NNT: variants seen among roughly 807,000 people sequenced by gnomAD.
NNT encodes nicotinamide nucleotide transhydrogenase, also known as NAD(P) transhydrogenase, mitochondrial.
Under a neutral mutation model 104.8 loss-of-function variants are expected in NNT, and 50 were observed. The ratio of observed to expected loss-of-function variants is 0.48; its 90% CI spans 0.38 to 0.60. The LOEUF is 0.60. Among genes scored for constraint, NNT ranks in the 20% least tolerant of loss-of-function variants. The probability of loss-of-function intolerance (pLI) is 0.00; values close to 1 mark genes in which losing one functional copy is unlikely to be tolerated. For missense variants in NNT, 1,131 were observed against 1,330.7 expected, an observed-to-expected ratio of 0.85 and a Z score of 2.33; for synonymous variants, 461 against 490.4, an observed-to-expected ratio of 0.94 and a Z score of 0.79.
Position 43,650,582 on chromosome 5 carries a change from T to C in NNT, c.1712T>C (p.Ile571Thr), listed in dbSNP as rs781265260. ...ALAAFISSVNIAGGFLVTQRM... is the reference protein window; with the variant it reads ...ALAAFISSVNTAGGFLVTQRM... ...GCTGCATTCATATCCTCTGTCAACA[T>C]TGCAGGTATGATGTCAGTGAAAGGT... Residue 571 changes from isoleucine to threonine, a missense_variant, in exon 12 of 22, where the codon ATT (isoleucine) becomes ACT (threonine). Physicochemically the swap from Ile to Thr is moderately conservative, Grantham distance 89 (BLOSUM62 -1). Coordinates refer to ENST00000344920, the MANE Select transcript of NNT (RefSeq NM_182977.3). The C allele has an allele frequency of 6.8e-6, 11 of 1,611,094 alleles. No individual in the cohort carries two copies. The highest frequency in any genetic ancestry group is 1.7e-5 in the Admixed American group (1 of 60,006).
chr5:43,604,501 C>G (rs1417537705), intron 1 of NNT, among the ~76,000 whole-genome samples: 3 of 152,132 alleles, frequency 2.0e-5, no homozygotes, highest in Non-Finnish European at 2.9e-5. Context: ...TTCCGAAAAT[C>G]CTTGGAAAAT....
chr5:43,604,144 T>G (rs1285466940), intron 1 of NNT, among the ~76,000 whole-genome samples: 1 of 152,160 alleles, frequency 6.6e-6, no homozygotes, highest in Non-Finnish European at 1.5e-5. Flanking sequence ...TAGGGTATTG[T>G]GTCCTTGCTG....
chr5:43,653,818 G>T (rs1172701056), intron 14 of NNT, among the ~76,000 whole-genome samples: 4 of 151,994 alleles, frequency 2.6e-5, no homozygotes, highest in Non-Finnish European at 4.4e-5. Context: ...AGTTGGGCAT[G>T]GTGGCGTACA....
chr5:43,697,528 C>CT, intron 19 of NNT, among the ~76,000 whole-genome samples: 1 of 152,174 alleles, frequency 6.6e-6, no homozygotes. Context: ...TTTTGAGTAT[C>CT]TTTTCAGCAG....
intron 19 of NNT, among the ~76,000 whole-genome samples, chr5:43,693,686 A>G (rs1050585273): frequency 4.6e-5 from 7 of 152,202 alleles, no homozygotes; most frequent in Non-Finnish European, 7.3e-5. Context: ...AAAAAAATAA[A>G]CAATCTTGTT....
At chr5:43,658,973 G>A (rs959578138) in intron 16 of NNT, among the ~76,000 whole-genome samples, 198 bp from the exon 17 acceptor site, 5 of 151,922 alleles carry the variant, frequency 3.3e-5, no homozygotes, top group Admixed American at 1.3e-4. Flanking sequence ...TTTTTTTAGG[G>A]GGGTGGGTGG....
In NNT at chr5:43,705,137, C is replaced by A. The variant is rs1402058516; in HGVS notation, c.*733C>A. The A allele has an allele frequency of 1.3e-5, 2 of 152,106 alleles. No individual in the cohort carries two copies. The highest frequency in any genetic ancestry group is 4.8e-5 in the African/African-American group (2 of 41,426). 9.4% of individuals were successfully genotyped at this position (152,106 alleles called of 1,614,324 possible). On this transcript the variant is annotated 3_prime_UTR_variant, in exon 22 of 22. Transcript: ENST00000344920. ...AGATCCCATTTCTAATTGGAGATCT[C>A]TTTAATTTCGATCAACTTATAATGT... is the stretch of plus-strand genomic sequence containing the variant.
At chr5:43,677,350 A>G (rs1440612413) in intron 18 of NNT, among the ~76,000 whole-genome samples, 1 of 151,984 alleles carries the variant, frequency 6.6e-6, no homozygotes, top group Non-Finnish European at 1.5e-5. Flanking sequence ...AGGCTGGGAC[A>G]GGGGACCGCA....
At position 43,667,048 on chromosome 5, in the gene NNT, G is replaced by A. The variant is rs1740741828; in HGVS notation, c.2634+7698G>A. ...CTGGGCACGTGCACTCATGGCCTTG[G>A]CATTGTTGGCCTGCATCTTCTTTAG... On this transcript the variant is annotated intron_variant, in intron 17 of 21. Coordinates refer to ENST00000344920, the MANE Select transcript of NNT (RefSeq NM_182977.3). 4 of 1,596,526 alleles carry A rather than the reference G, an allele frequency of 2.5e-6. No individual in the cohort carries two copies. In the East Asian group the frequency reaches 8.9e-5, roughly 36 times the overall value.
intron 7 of NNT, among the ~76,000 whole-genome samples, chr5:43,634,561 A>G (rs1750838526): frequency 6.6e-6 from 1 of 152,168 alleles, no homozygotes; most frequent in African/African-American, 2.4e-5. Context: ...TATCTGATTC[A>G]TGTTCGGTAA....
chr5:43,692,938 T>C (rs952828642), intron 19 of NNT, among the ~76,000 whole-genome samples: 2 of 152,242 alleles, frequency 1.3e-5, no homozygotes, highest in African/African-American at 4.8e-5. Flanking sequence ...CATTTTGCTT[T>C]GTTTGCATCC....
chr5:43,670,876 A>C (rs562233583), intron 17 of NNT, among the ~76,000 whole-genome samples: 1 of 152,290 alleles, frequency 6.6e-6, no homozygotes, highest in South Asian at 2.1e-4. Context: ...TAATGTTGAC[A>C]GTGGGGTGTT....
intron 2 of NNT, among the ~76,000 whole-genome samples, chr5:43,611,972 G>T (rs1749520046): frequency 2.0e-5 from 3 of 152,056 alleles, no homozygotes; most frequent in Admixed American, 2.0e-4. Context: ...TGTGATGAGG[G>T]TTTGCTATGT....
intron 1 of NNT, among the ~76,000 whole-genome samples, chr5:43,603,977 G>A (rs1435691029): frequency 6.6e-6 from 1 of 152,134 alleles, no homozygotes; most frequent in Non-Finnish European, 1.5e-5. Context: ...TGCAGCCGTG[G>A]CCAATCGGCT....
intron 20 of NNT, among the ~76,000 whole-genome samples, chr5:43,701,698 C>A (rs909022180): frequency 6.6e-6 from 1 of 152,122 alleles, no homozygotes; most frequent in African/African-American, 2.4e-5. Flanking sequence ...CTACAAACAG[C>A]GTGTAAATGT....
At chr5:43,680,089 G>A (rs889821053) in intron 19 of NNT, among the ~76,000 whole-genome samples, 1 of 151,894 alleles carries the variant, frequency 6.6e-6, no homozygotes, top group Non-Finnish European at 1.5e-5. Flanking sequence ...TTAAATGGAA[G>A]AGGACTATTC....
intron 19 of NNT, among the ~76,000 whole-genome samples, chr5:43,680,785 A>T (rs926175996): frequency 3.9e-5 from 6 of 152,154 alleles, no homozygotes; most frequent in African/African-American, 1.4e-4. Context: ...AGTGGCCAAG[A>T]TATCATTTGC....
intron 7 of NNT, among the ~76,000 whole-genome samples, chr5:43,632,565 C>T (rs1750732034): frequency 6.6e-6 from 1 of 152,212 alleles, no homozygotes; most frequent in South Asian, 2.1e-4. Flanking sequence ...AAACCGTCAT[C>T]TCACCCCCCT....
intron 5 of NNT, among the ~76,000 whole-genome samples, chr5:43,619,484 C>T (rs1013733429): frequency 2.0e-5 from 3 of 152,110 alleles, no homozygotes; most frequent in African/African-American, 7.2e-5. Flanking sequence ...GGCACATATA[C>T]AAGGTATTTT....
Sources: gnomAD v4.1 joint callset for allele counts (sites outside exome capture counted in the v4.1 genomes callset) on GRCh38, gnomAD v4.1.1 for gene constraint, MANE v1.5 for transcripts, NCBI Gene and HGNC (gene_info 2026-07-23, HGNC 2026-07-21) for gene names.